TRPM6: variants seen among roughly 807,000 people sequenced by gnomAD.
TRPM6 encodes the protein transient receptor potential cation channel subfamily M member 6, also known as channel kinase 2.
In TRPM6, 111 loss-of-function variants were observed where a neutral mutation model predicts 247.6. That is an observed-to-expected ratio of 0.45 (90% confidence interval 0.38 to 0.52). TRPM6 has a LOEUF of 0.52. Ranked by LOEUF, TRPM6 falls within the 20% of genes least tolerant of loss-of-function variation. The pLI, the probability that TRPM6 is intolerant of heterozygous loss-of-function variation, is 0.00. For synonymous variants in TRPM6, 892 were observed against 853.8 expected (o/e 1.04, Z -0.78); for missense variants, 2,126 against 2,421.5 (o/e 0.88, Z 2.56).
chr9:74,850,269 G>A (rs1587577587), intron 3 of TRPM6, among the ~76,000 whole-genome samples: 2 of 152,014 alleles, frequency 1.3e-5, no homozygotes, highest in African/African-American at 4.8e-5. Context: ...TTACTCAGGA[G>A]GCTGAAGCAC....
chr9:74,855,712 T>C, intron 2 of TRPM6, 147 bp from the exon 3 acceptor site: 1 of 679,814 alleles, frequency 1.5e-6, no homozygotes, highest in Non-Finnish European at 2.7e-6. Context: ...TATTCCATTA[T>C]GGCATTTACC....
In TRPM6 at chr9:74,771,803, G is replaced by A; in HGVS notation, c.3436C>T (p.Leu1146Phe). 6.2e-7 allele frequency: 1 copy of A among 1,613,652 alleles called. No homozygotes were observed. The highest frequency in any genetic ancestry group is 8.5e-7 in the Non-Finnish European group (1 of 1,179,758). ...LYLSKEDLKK[L>F]HDFEEQCVEK... The stretch of plus-strand genomic sequence containing the variant: ...ACGCACTGCTCCTCAAAATCATGAA[G>A]TTTTTTCAGATCCTCCTTACTGAGG... Residue 1146 changes from leucine (L) to phenylalanine (F), a missense_variant, in exon 25 of 39, where the codon CTT (leucine) becomes TTT (phenylalanine). Coordinates refer to ENST00000360774, the MANE Select transcript of TRPM6 (RefSeq NM_017662.5).
chr9:74,730,113 T>A (rs944542011), intron 37 of TRPM6, among the ~76,000 whole-genome samples: 4 of 152,106 alleles, frequency 2.6e-5, no homozygotes, highest in East Asian at 1.9e-4. Flanking sequence ...AACCAGGTTT[T>A]AAAAAAAATA....
chr9:74,869,178 G>A (rs1830947850), intron 1 of TRPM6, among the ~76,000 whole-genome samples: 1 of 152,114 alleles, frequency 6.6e-6, no homozygotes, highest in South Asian at 2.1e-4. Context: ...TCTCTTGGGA[G>A]AAGCAATACT....
At chr9:74,732,138 T>TC (rs1825540834) in intron 37 of TRPM6, among the ~76,000 whole-genome samples, 1 of 152,180 alleles carries the variant, frequency 6.6e-6, no homozygotes, top group African/African-American at 2.4e-5. Flanking sequence ...GGTTGATGAG[T>TC]CATCTCTCTA....
chr9:74,797,245 T>C lies in TRPM6; in HGVS notation c.2239-352A>G, dbSNP rs76216518. On this transcript the variant is annotated intron_variant, in intron 17 of 38. Transcript: ENST00000360774. ...AAAAAGACCAAGGCAATGTTGAATA[T>C]AATGAAAAGGTAGCCACGCTATATT... 6.8e-3 allele frequency among the ~76,000 whole-genome samples: 1,042 copies of C among 152,290 alleles called. 46 individuals are homozygous for C. The East Asian group carries it at 0.13, about 19-fold the overall frequency.
intron 3 of TRPM6, among the ~76,000 whole-genome samples, chr9:74,850,737 AC>A (rs1208376495): frequency 1.3e-5 from 2 of 152,120 alleles, no homozygotes; most frequent in Non-Finnish European, 1.5e-5. Context: ...AAACAAAAAA[AC>A]AAACAAAAAA....
chr9:74,728,900 G>C (rs2118682409), intron 37 of TRPM6, among the ~76,000 whole-genome samples: 1 of 152,296 alleles, frequency 6.6e-6, no homozygotes, highest in East Asian at 1.9e-4. Context: ...GCTAGAGCTG[G>C]GCTTTTTGTG....
chr9:74,756,030 C>T (rs1022030551), intron 27 of TRPM6, among the ~76,000 whole-genome samples: 1 of 152,128 alleles, frequency 6.6e-6, no homozygotes, highest in African/African-American at 2.4e-5. Context: ...TATATACTTC[C>T]GAGCTGCAGA....
Position 74,800,327 on chromosome 9 carries a change from T to C in TRPM6, c.2165A>G (p.His722Arg). The change falls in exon 17 of 39, where the codon CAT becomes CGT. Residue 722 changes from histidine (H) to arginine (R), a missense_variant. By Grantham distance (29) the His-to-Arg change is conservative (BLOSUM62 0). Transcript: ENST00000360774. ...VSGGLRPFVSHTCTQMLLTDM... is the reference protein window; with the variant it reads ...VSGGLRPFVSRTCTQMLLTDM... Reference sequence around the variant, plus strand: ...TGTCAGTAGCATCTGGGTACAAGTATGTGAAACAAAGGGTCGTAATCCTCC... The same window carrying C: ...TGTCAGTAGCATCTGGGTACAAGTACGTGAAACAAAGGGTCGTAATCCTCC... 6.2e-7 allele frequency: 1 copy of C among 1,614,188 alleles called. No individual in the cohort carries two copies. Among genetic ancestry groups the C allele is most frequent in the Non-Finnish European group, 8.5e-7 (1 of 1,180,038 alleles).
chr9:74,844,482 G>A (rs1344599394), intron 3 of TRPM6, among the ~76,000 whole-genome samples: 1 of 152,170 alleles, frequency 6.6e-6, no homozygotes, highest in Non-Finnish European at 1.5e-5. Flanking sequence ...TACAGAGACT[G>A]CTTCTTTCTT....
chr9:74,836,064 G>T (rs1829710524), intron 5 of TRPM6, among the ~76,000 whole-genome samples: 1 of 152,074 alleles, frequency 6.6e-6, no homozygotes, highest in African/African-American at 2.4e-5. Context: ...AAGATACAAT[G>T]ATGTATATCC....
chr9:74,809,620 T>A (rs1206670229), intron 13 of TRPM6, among the ~76,000 whole-genome samples: 1 of 152,188 alleles, frequency 6.6e-6, no homozygotes, highest in Non-Finnish European at 1.5e-5. Context: ...AAATCATTTT[T>A]ATATTGCATA....
At position 74,769,759 on chromosome 9, in the gene TRPM6, T is replaced by C. The variant is rs566436658; in HGVS notation, c.3536+1944A>G. 5.1e-4 allele frequency among the ~76,000 whole-genome samples: 55 copies of C among 108,210 alleles called. 1 individual carries two copies. The Middle Eastern group carries it at 0.021, about 40-fold the overall frequency. 71.0% of individuals were successfully genotyped at this position (108,210 alleles called of 152,430 possible). ...GTGACAGAGTGAGACTCCGTTGAAA[T>C]AAAGGAAGGAAGGAAGGAAGGAAGG... On this transcript the variant is annotated intron_variant, in intron 25 of 38. Transcript: ENST00000360774.
chr9:74,748,600 A>T (rs1826128215), intron 30 of TRPM6, among the ~76,000 whole-genome samples: 1 of 152,200 alleles, frequency 6.6e-6, no homozygotes. Context: ...TAAAAAGTGT[A>T]AGAAGTGAAA....
Position 74,808,085 on chromosome 9 carries a change from G to A in TRPM6, c.1587C>T (p.Tyr529=), listed in dbSNP as rs139215654. The A allele has an allele frequency of 3.1e-6, 5 of 1,613,904 alleles. No homozygotes were observed. Among genetic ancestry groups the A allele is most frequent in the East Asian group, 2.2e-5 (1 of 44,832 alleles). ...AGAGGGCTCTGAAATGTTTTCTAGTGTAGTTGCTGCGATATGCTCTACCAA... is the reference window on the plus strand; with the variant it reads ...AGAGGGCTCTGAAATGTTTTCTAGTATAGTTGCTGCGATATGCTCTACCAA... ...YLIGRAYRSN[Y]TRKHFRALYN... is the part of the protein sequence containing the mutation. The change falls in exon 14 of 39, where the codon TAC becomes TAT. Residue 529 remains tyrosine, a synonymous_variant. Coordinates refer to ENST00000360774, the MANE Select transcript of TRPM6 (RefSeq NM_017662.5).
chr9:74,852,498 TGGTCTCCCTCTCCCCCTCTCTCCAC>T (rs1040557004), intron 3 of TRPM6, among the ~76,000 whole-genome samples: 3 of 146,862 alleles, frequency 2.0e-5, no homozygotes, highest in African/African-American at 7.6e-5. Flanking sequence ...TCCGTCTCCA[TGGTCTCCCTCTCCCCCTCTCTCCAC>T]GGTCTCCCTC....
At chr9:74,781,918 G>A (rs966649005) in intron 23 of TRPM6, among the ~76,000 whole-genome samples, 30 of 152,302 alleles carry the variant, frequency 2.0e-4, no homozygotes, top group African/African-American at 6.7e-4. Context: ...TCGTGTCTGT[G>A]CTGAACATGC....
chr9:74,875,361 G>A, intron 1 of TRPM6: 1 of 410,182 alleles, frequency 2.4e-6, no homozygotes, highest in Non-Finnish European at 5.0e-6. Flanking sequence ...TGGCCAACAA[G>A]GTAAAACCCT....
Sources: gnomAD v4.1 joint callset for allele counts (sites outside exome capture counted in the v4.1 genomes callset) on GRCh38, gnomAD v4.1.1 for gene constraint, MANE v1.5 for transcripts, NCBI Gene and HGNC (gene_info 2026-07-23, HGNC 2026-07-21) for gene names.